The following PIGK variants were observed in gnomAD, a reference collection of about 807,000 sequenced individuals.
PIGK encodes the protein phosphatidylinositol glycan anchor biosynthesis class K.
PIGK carries 42 observed loss-of-function variants against 50.6 expected under a neutral mutation model. The ratio of observed to expected loss-of-function variants is 0.83; its 90% CI spans 0.65 to 1.07. PIGK has a LOEUF of 1.07. Among genes scored for constraint, PIGK ranks in the 50% least tolerant of loss-of-function variants. PIGK has a pLI of 0.00. For synonymous variants in PIGK, 151 were observed against 156.0 expected (o/e 0.97, Z 0.24); for missense variants, 448 against 488.7 (o/e 0.92, Z 0.78).
Position 77,202,053 on chromosome 1 carries a change from C to CA in PIGK, c.239+4586dup, listed in dbSNP as rs79509311. ...ACCCAGGGCAATGGAGTGAGACAAT[C>CA]AAAAAAAAAAAAATACCTGACTAAA... is the stretch of plus-strand genomic sequence containing the variant. On this transcript the variant is annotated intron_variant, in intron 3 of 10. Transcript: ENST00000370812. Among the ~76,000 whole-genome samples, 338 of 129,978 alleles carry CA rather than the reference C, an allele frequency of 2.6e-3. 1 individual carries two copies. The highest frequency in any genetic ancestry group is 8.1e-3 in the South Asian group (34 of 4,194). The allele number at this position is 129,978 out of a possible 152,430, so 85.3% of individuals were successfully genotyped here.
chr1:77,120,259 G>C (rs1654068301), intron 10 of PIGK, among the ~76,000 whole-genome samples: 1 of 152,148 alleles, frequency 6.6e-6, no homozygotes, highest in Non-Finnish European at 1.5e-5. Flanking sequence ...CTGTCACCCA[G>C]ACTGGAGTGC....
intron 10 of PIGK, among the ~76,000 whole-genome samples, chr1:77,108,751 T>G (rs1228850243): frequency 2.0e-5 from 3 of 152,226 alleles, no homozygotes; most frequent in Non-Finnish European, 4.4e-5. Context: ...GTTTGGTCTT[T>G]TTACATAGTC....
chr1:77,110,782 T>C (rs1046124565), intron 10 of PIGK, among the ~76,000 whole-genome samples: 5 of 149,732 alleles, frequency 3.3e-5, no homozygotes, highest in Admixed American at 6.6e-5. Flanking sequence ...AACTAAAGAG[T>C]TTGTGCACAG....
At chr1:77,138,156 T>G (rs1654565284) in intron 9 of PIGK, among the ~76,000 whole-genome samples, 1 of 152,110 alleles carries the variant, frequency 6.6e-6, no homozygotes, top group Non-Finnish European at 1.5e-5. Flanking sequence ...ATGACAAAAG[T>G]GAGGGAATTT....
intron 3 of PIGK, among the ~76,000 whole-genome samples, chr1:77,190,338 T>C (rs1655873365): frequency 6.6e-6 from 1 of 151,960 alleles, no homozygotes; most frequent in Non-Finnish European, 1.5e-5. Flanking sequence ...GAGATCGAAG[T>C]TACAGTGAGC....
At chr1:77,150,095 T>C (rs1051239611) in intron 9 of PIGK, among the ~76,000 whole-genome samples, 3 of 152,112 alleles carry the variant, frequency 2.0e-5, no homozygotes, top group Non-Finnish European at 4.4e-5. Flanking sequence ...AAAAGTAGTA[T>C]TAAAAGGAAA....
intron 10 of PIGK, among the ~76,000 whole-genome samples, chr1:77,119,078 C>T (rs1051122498): frequency 6.6e-6 from 1 of 152,152 alleles, no homozygotes; most frequent in Non-Finnish European, 1.5e-5. Flanking sequence ...ATTACAGCTG[C>T]GTTAGGCTAA....
chr1:77,124,732 C>G (rs72681899), intron 9 of PIGK, among the ~76,000 whole-genome samples: 5,586 of 151,726 alleles, frequency 0.037, 204 homozygotes, highest in South Asian at 0.21. Context: ...AATGAAAAAA[C>G]AGTCTACAGA....
At chr1:77,122,183 A>G (rs1450896070) in intron 10 of PIGK, 92 bp downstream of exon 10, 1 of 792,536 alleles carries the variant, frequency 1.3e-6, no homozygotes, top group Non-Finnish European at 2.2e-6. Flanking sequence ...TTTCAGCTAT[A>G]GCACATTGAT....
At chr1:77,153,663 C>A (rs1409831035) in intron 9 of PIGK, 1 of 151,862 alleles carries the variant, frequency 6.6e-6, no homozygotes, top group Non-Finnish European at 1.5e-5. Flanking sequence ...TAACTAGAAT[C>A]AAAGAAAAGC....
chr1:77,114,360 CATT>C (rs1308084659), intron 10 of PIGK, among the ~76,000 whole-genome samples: 1 of 152,088 alleles, frequency 6.6e-6, no homozygotes, highest in African/African-American at 2.4e-5. Context: ...TGATCATTAT[CATT>C]ATCAACTGTA....
chr1:77,129,442 A>C, intron 9 of PIGK: 1 of 1,459,806 alleles, frequency 6.9e-7, no homozygotes, highest in Non-Finnish European at 9.5e-7. Flanking sequence ...TTAGATGTAG[A>C]TTCTCTGGTC....
intron 9 of PIGK, among the ~76,000 whole-genome samples, chr1:77,149,509 T>G (rs1654846326): frequency 6.6e-6 from 1 of 152,028 alleles, no homozygotes; most frequent in Non-Finnish European, 1.5e-5. Flanking sequence ...ACAAAGAAGG[T>G]CATCATATAA....
In PIGK at chr1:77,198,200, T is replaced by C. The variant is rs186378000; in HGVS notation, c.239+8440A>G. On this transcript the variant is annotated intron_variant, in intron 3 of 10. Coordinates refer to ENST00000370812, the MANE Select transcript of PIGK (RefSeq NM_005482.3). ...TCAATGAATTGCTTTCATTTATCCTTTTTCTTTATTATTACATTTATTTAC... is the reference window on the plus strand; with the variant it reads ...TCAATGAATTGCTTTCATTTATCCTCTTTCTTTATTATTACATTTATTTAC... Among the ~76,000 whole-genome samples the C allele has an allele frequency of 2.6e-5, 4 of 152,194 alleles. No homozygotes were observed. In the East Asian group the frequency reaches 5.8e-4, roughly 22 times the overall value.
chr1:77,186,873 G>A (rs193189063), intron 3 of PIGK, among the ~76,000 whole-genome samples: 5 of 152,246 alleles, frequency 3.3e-5, no homozygotes, highest in Admixed American at 2.0e-4. Flanking sequence ...GCATGATTAG[G>A]CAGCTACCTG....
chr1:77,113,407 G>A (rs1316461031), intron 10 of PIGK, among the ~76,000 whole-genome samples: 2 of 152,010 alleles, frequency 1.3e-5, no homozygotes, highest in Non-Finnish European at 2.9e-5. Context: ...GTGAAGATGT[G>A]TATCTGTCTA....
Position 77,161,387 on chromosome 1 carries a change from T to C in PIGK, c.721A>G (p.Ile241Val), listed in dbSNP as rs757186406. 1.4e-5 allele frequency: 23 copies of C among 1,590,914 alleles called. No homozygotes were observed. The highest frequency in any genetic ancestry group is 1.7e-4 in the Middle Eastern group (1 of 6,012). ...DSLSHQPDPA[I>V]GVHLMDRYTF... is the part of the protein sequence containing the mutation. The stretch of plus-strand genomic sequence containing the variant: ...TATCTATCCATAAGATGGACTCCAA[T>C]TGCAGGATCAGGTTGATGCTATGGA... The change falls in exon 8 of 11, where the codon ATT (isoleucine) becomes GTT (valine). Residue 241 changes from isoleucine to valine, a missense_variant. By Grantham distance (29) the Ile-to-Val change is conservative (BLOSUM62 3). Transcript: ENST00000370812.
At chr1:77,203,906 G>A (rs1409720457) in intron 3 of PIGK, among the ~76,000 whole-genome samples, 1 of 152,134 alleles carries the variant, frequency 6.6e-6, no homozygotes, top group African/African-American at 2.4e-5. Flanking sequence ...TTGGTAAACT[G>A]AGGATGTATG....
At chr1:77,213,556 CA>C (rs1656473043) in intron 1 of PIGK, among the ~76,000 whole-genome samples, 1 of 151,984 alleles carries the variant, frequency 6.6e-6, no homozygotes, top group Non-Finnish European at 1.5e-5. Context: ...CTATGAGATA[CA>C]GCAAAACAGT....
Sources: allele counts gnomAD v4.1 joint callset (sites outside exome capture counted in the v4.1 genomes callset), GRCh38; gene constraint gnomAD v4.1.1; transcripts MANE v1.5; gene names NCBI Gene and HGNC (gene_info 2026-07-23, HGNC 2026-07-21).